The following PVT1 variants were observed in gnomAD, a reference collection of about 807,000 sequenced individuals.
The protein encoded by PVT1 is CXCR4/PVT1 fusion.
chr8:127,831,128 T>C (rs1260413029), intron 2 of PVT1, among the ~76,000 whole-genome samples: 1 of 132,260 alleles, frequency 7.6e-6, no homozygotes, highest in Non-Finnish European at 1.6e-5. Context: ...TATATATCTA[T>C]ATCTATATCT....
chr8:127,806,526 C>T (rs975498439), intron 2 of PVT1, among the ~76,000 whole-genome samples: 3 of 151,960 alleles, frequency 2.0e-5, no homozygotes, highest in Admixed American at 2.0e-4. Context: ...CTAACAAAGT[C>T]AGGTTTTGGA....
chr8:128,006,995 C>T (rs1817255174), intron 4 of PVT1, among the ~76,000 whole-genome samples: 1 of 152,186 alleles, frequency 6.6e-6, no homozygotes, highest in Admixed American at 6.5e-5. Flanking sequence ...CTTGACAGAA[C>T]TATAACCTGA....
At chr8:127,963,919 G>A (rs775397291) in intron 3 of PVT1, among the ~76,000 whole-genome samples, 19 of 152,132 alleles carry the variant, frequency 1.2e-4, no homozygotes, top group African/African-American at 4.3e-4. Flanking sequence ...AAATATCTTC[G>A]TATTCTGTTT....
chr8:127,994,843 G>A (rs1158667888), intron 4 of PVT1, among the ~76,000 whole-genome samples: 1 of 152,238 alleles, frequency 6.6e-6, no homozygotes, highest in Admixed American at 6.5e-5. Context: ...ATCAGGCAGA[G>A]ATGAAATTCA....
chr8:127,939,028 C>A (rs1010960823), intron 3 of PVT1, among the ~76,000 whole-genome samples: 81 of 152,188 alleles, frequency 5.3e-4, no homozygotes, highest in African/African-American at 1.9e-3. Context: ...TGGCATGTAC[C>A]TTCTCTATTT....
At chr8:128,032,872 T>C (rs1407547329) in intron 4 of PVT1, among the ~76,000 whole-genome samples, 2 of 152,230 alleles carry the variant, frequency 1.3e-5, no homozygotes, top group Admixed American at 6.5e-5. Flanking sequence ...GAGTAAGCCC[T>C]TTCCAAGCTT....
chr8:128,008,174 G>A (rs1400941417), intron 4 of PVT1, among the ~76,000 whole-genome samples: 1 of 152,102 alleles, frequency 6.6e-6, no homozygotes, highest in Non-Finnish European at 1.5e-5. Context: ...ATTAGTGAAC[G>A]GTCATCTGTT....
chr8:128,046,915 G>A (rs1013295164), intron 4 of PVT1, among the ~76,000 whole-genome samples: 6 of 152,212 alleles, frequency 3.9e-5, no homozygotes, highest in African/African-American at 1.4e-4. Context: ...GGACCAAGGA[G>A]TGGGGCTCTG....
intron 3 of PVT1, among the ~76,000 whole-genome samples, chr8:127,911,712 T>C (rs971593865): frequency 1.3e-5 from 2 of 152,234 alleles, no homozygotes; most frequent in Non-Finnish European, 2.9e-5. Context: ...ACACCAGCTG[T>C]GTCTAATAGC....
intron 3 of PVT1, among the ~76,000 whole-genome samples, chr8:127,893,305 C>G (rs1042653167): frequency 1.3e-5 from 2 of 152,086 alleles, no homozygotes; most frequent in African/African-American, 4.8e-5. Context: ...GAGACTGAGT[C>G]TTACTCTATC....
intron 3 of PVT1, among the ~76,000 whole-genome samples, chr8:127,969,550 T>G (rs1335964099): frequency 1.3e-5 from 2 of 152,142 alleles, no homozygotes; most frequent in Non-Finnish European, 2.9e-5. Flanking sequence ...ATGCAGCCAT[T>G]CAAACATTCC....
chr8:128,087,686 G>T (rs981807000), intron 5 of PVT1, among the ~76,000 whole-genome samples: 1 of 150,008 alleles, frequency 6.7e-6, no homozygotes, highest in Admixed American at 6.6e-5. Flanking sequence ...GTTTTTGCTG[G>T]TTTTCTGTGT....
At chr8:127,967,697 G>T (rs182256354) in intron 3 of PVT1, among the ~76,000 whole-genome samples, 1 of 152,226 alleles carries the variant, frequency 6.6e-6, no homozygotes, top group Non-Finnish European at 1.5e-5. Context: ...TACCGCTCCT[G>T]CCACAAAGAC....
At chr8:127,855,029 G>A (rs1815146422) in intron 2 of PVT1, 13 of 395,470 alleles carry the variant, frequency 3.3e-5, no homozygotes, top group Non-Finnish European at 5.8e-5. Flanking sequence ...AAAGCAGCAT[G>A]TCTGGGATTT....
At chr8:128,010,812 A>C (rs1280224517) in intron 4 of PVT1, among the ~76,000 whole-genome samples, 1 of 152,126 alleles carries the variant, frequency 6.6e-6, no homozygotes. Context: ...AATCACACAC[A>C]CTTGATCTCA....
chr8:128,061,061 C>T (rs1264953970), intron 4 of PVT1, among the ~76,000 whole-genome samples: 1 of 152,224 alleles, frequency 6.6e-6, no homozygotes, highest in Admixed American at 6.5e-5. Context: ...AGGCATGTGT[C>T]ATCACGTCCA....
chr8:127,962,624 T>A (rs115916738), intron 3 of PVT1, among the ~76,000 whole-genome samples: 4,146 of 152,158 alleles, frequency 0.027, 90 homozygotes, highest in African/African-American at 0.047. Flanking sequence ...TTTTTTTTGT[T>A]GACGATTTGT....
chr8:128,042,017 TTCCCCTAACCTCCAGTCTC>T (rs1813551650), intron 4 of PVT1, among the ~76,000 whole-genome samples: 1 of 152,330 alleles, frequency 6.6e-6, no homozygotes, highest in African/African-American at 2.4e-5. Context: ...CCATTTTCAG[TTCCCCTAACCTCCAGTCTC>T]TTGAAGCCAT....
intron 2 of PVT1, among the ~76,000 whole-genome samples, chr8:127,840,280 C>G (rs1010516013): frequency 2.0e-5 from 3 of 152,224 alleles, no homozygotes; most frequent in Admixed American, 6.5e-5. Flanking sequence ...CTCTCCCTTT[C>G]TCAGGATGAG....
Sources: allele counts gnomAD v4.1 joint callset (sites outside exome capture counted in the v4.1 genomes callset), GRCh38; gene constraint gnomAD v4.1.1; transcripts MANE v1.5; gene names NCBI Gene and HGNC (gene_info 2026-07-23, HGNC 2026-07-21).